CYREN: variants seen among roughly 807,000 people sequenced by gnomAD.
CYREN encodes the protein cell cycle regulator of NHEJ, also known as cell cycle regulator of non-homologous end joining.
CYREN carries 7 observed loss-of-function variants against 9.7 expected under a neutral mutation model. The observed-to-expected ratio is 0.72, with a 90% confidence interval of 0.41 to 1.36. The LOEUF is 1.36. Ranked by LOEUF, CYREN falls within the 40% of genes most tolerant of loss-of-function variation. The pLI is 0.01. For missense variants in CYREN, 215 were observed against 198.1 expected, an observed-to-expected ratio of 1.09 and a Z score of -0.51; for synonymous variants, 76 against 77.9, an observed-to-expected ratio of 0.98 and a Z score of 0.13.
At chr7:135,108,182 C>T (rs917718641) in intron 2 of CYREN, among the ~76,000 whole-genome samples, 4 of 152,068 alleles carry the variant, frequency 2.6e-5, no homozygotes, top group Admixed American at 2.6e-4. Flanking sequence ...CCACTCTGTA[C>T]CTTTTAAATG....
upstream of CYREN, among the ~76,000 whole-genome samples, chr7:135,171,532 G>T (rs1232249487): frequency 1.7e-5 from 2 of 114,748 alleles, no homozygotes; most frequent in Non-Finnish European, 4.0e-5. Context: ...GGTGCATGCA[G>T]CCCCTGTCAC....
intron 2 of CYREN, among the ~76,000 whole-genome samples, chr7:135,146,482 A>ATAGACT (rs1192343074): frequency 6.6e-6 from 1 of 152,206 alleles, no homozygotes; most frequent in Admixed American, 6.5e-5. Context: ...CGATGCAAAA[A>ATAGACT]TGCCACAAAT....
chr7:135,135,107 C>A (rs1243335185), intron 2 of CYREN: 1 of 1,551,124 alleles, frequency 6.4e-7, no homozygotes, highest in East Asian at 2.4e-5. Context: ...GGAATGGATG[C>A]AAATGTTCTA....
downstream of CYREN, among the ~76,000 whole-genome samples, chr7:135,162,199 G>C (rs146209369): frequency 2.5e-4 from 38 of 152,314 alleles, no homozygotes; most frequent in East Asian, 6.9e-3. Flanking sequence ...TGGGAAAGAG[G>C]AGGGAGCTGT....
intron 2 of CYREN, among the ~76,000 whole-genome samples, chr7:135,104,351 A>G (rs1824321437): frequency 6.6e-6 from 1 of 152,166 alleles, no homozygotes; most frequent in African/African-American, 2.4e-5. Context: ...TGTCTTTGCT[A>G]TTATTCACAA....
intron 2 of CYREN, among the ~76,000 whole-genome samples, chr7:135,157,839 A>G (rs898973561): frequency 6.6e-6 from 1 of 152,198 alleles, no homozygotes; most frequent in Non-Finnish European, 1.5e-5. Flanking sequence ...CTGCAGCCAC[A>G]TTGCCTGATT....
chr7:135,135,507 G>T (rs1334208609), intron 2 of CYREN: 2 of 289,490 alleles, frequency 6.9e-6, no homozygotes, highest in Middle Eastern at 9.3e-4. Context: ...GTTTTTATCA[G>T]CATGGAAAAA....
intron 2 of CYREN, among the ~76,000 whole-genome samples, chr7:135,130,360 G>A (rs928362657): frequency 1.3e-5 from 2 of 152,088 alleles, no homozygotes; most frequent in Non-Finnish European, 2.9e-5. Context: ...TGGTGTATAT[G>A]CTCCACTGGT....
chr7:135,135,236 A>C, intron 2 of CYREN: 1 of 1,530,824 alleles, frequency 6.5e-7, no homozygotes, highest in Non-Finnish European at 8.8e-7. Context: ...CCCACCTTAT[A>C]TCTGAAGTTC....
Position 135,168,904 on chromosome 7 carries a change from C to G in CYREN, c.19G>C (p.Glu7Gln). The G allele has an allele frequency of 6.2e-7, 1 of 1,610,708 alleles. No individual in the cohort carries two copies. Residue 7 changes from glutamate to glutamine, a missense_variant, in exon 2 of 4, where the codon GAG becomes CAG. Physicochemically the swap from Glu to Gln is conservative, Grantham distance 29. Coordinates refer to ENST00000393114, the MANE Select transcript of CYREN (RefSeq NM_024033.4). METLQS[E>Q]TKTRVLPSWL... The stretch of plus-strand genomic sequence containing the variant: ...GAGGGAAGGACCCTCGTTTTAGTCT[C>G]GGATTGTAAGGTTTCCATCTCTGTA...
intron 2 of CYREN, among the ~76,000 whole-genome samples, chr7:135,146,712 G>C (rs1218636442): frequency 1.3e-5 from 2 of 152,158 alleles, no homozygotes; most frequent in African/African-American, 4.8e-5. Flanking sequence ...AGTAGATTAT[G>C]CCTGAAACTG....
At chr7:135,137,718 T>C (rs1313387238) in intron 2 of CYREN, among the ~76,000 whole-genome samples, 2 of 152,096 alleles carry the variant, frequency 1.3e-5, no homozygotes, top group Non-Finnish European at 2.9e-5. Flanking sequence ...CTGTCTCAGC[T>C]CAGGCTGCTG....
chr7:135,120,558 T>C (rs2117237329), intron 2 of CYREN, among the ~76,000 whole-genome samples: 1 of 152,272 alleles, frequency 6.6e-6, no homozygotes, highest in South Asian at 2.1e-4. Context: ...AAACAAAAGA[T>C]AAACTTTTTT....
Position 135,166,602 on chromosome 7 carries a change from G to C in CYREN, c.*9C>G. 6.3e-7 allele frequency: 1 copy of C among 1,582,456 alleles called. No homozygotes were observed. The highest frequency in any genetic ancestry group is 8.5e-7 in the Non-Finnish European group (1 of 1,170,096). On this transcript the variant is annotated 3_prime_UTR_variant, in exon 4 of 4. Coordinates refer to ENST00000393114, the MANE Select transcript of CYREN (RefSeq NM_024033.4). ...CTCTCGGCAGACAGTTCAGTGCACA[G>C]TTTATGCCCTAGCTGAAAAAGATCT... is the stretch of plus-strand genomic sequence containing the variant.
chr7:135,167,356 C>T (rs373804939), intron 3 of CYREN: 1 of 1,096,612 alleles, frequency 9.1e-7, no homozygotes, highest in East Asian at 6.4e-5. Flanking sequence ...AGCTCAGCAT[C>T]CTCTGCTCAG....
At position 135,166,467 on chromosome 7, in the gene CYREN, A is replaced by G; in HGVS notation, c.*144T>C. 1 of 1,339,646 alleles carries G rather than the reference A, an allele frequency of 7.5e-7. No homozygotes were observed. The highest frequency in any genetic ancestry group is 1.0e-6 in the Non-Finnish European group (1 of 1,001,756). 83.0% of individuals were successfully genotyped at this position (1,339,646 alleles called of 1,614,324 possible). A position where few individuals can be genotyped will look rare whatever the true frequency, so the allele number is the denominator to read the frequency against. On this transcript the variant is annotated 3_prime_UTR_variant, in exon 4 of 4. Transcript: ENST00000393114. Reference sequence around the variant, plus strand: ...GGAGTGTCCAGGGGCTTCTGGCCTGAGGTGAATCTGCCAGGCCCAAGAAGG... The same window carrying G: ...GGAGTGTCCAGGGGCTTCTGGCCTGGGGTGAATCTGCCAGGCCCAAGAAGG...
chr7:135,170,535 G>C (rs918613172), intron 1 of CYREN, 117 bp downstream of exon 1: 15 of 152,324 alleles, frequency 9.8e-5, no homozygotes, highest in African/African-American at 3.1e-4. Context: ...GCGCTCCTCC[G>C]GCCGGCTACT....
intron 2 of CYREN, among the ~76,000 whole-genome samples, chr7:135,147,322 A>C (rs1829566271): frequency 6.6e-6 from 1 of 152,164 alleles, no homozygotes; most frequent in Non-Finnish European, 1.5e-5. Context: ...GGGGAGGGCA[A>C]TGTAGCAGTT....
chr7:135,145,729 G>A (rs1829534011), intron 2 of CYREN, among the ~76,000 whole-genome samples: 1 of 152,148 alleles, frequency 6.6e-6, no homozygotes, highest in South Asian at 2.1e-4. Flanking sequence ...TGGCTCAGCT[G>A]CTGTAAATGG....
Sources: allele counts gnomAD v4.1 joint callset (sites outside exome capture counted in the v4.1 genomes callset), GRCh38; gene constraint gnomAD v4.1.1; transcripts MANE v1.5; gene names NCBI Gene and HGNC (gene_info 2026-07-23, HGNC 2026-07-21).